The following TLCD5 variants were observed in gnomAD, a reference collection of about 807,000 sequenced individuals.
TLCD5 encodes the protein TLC domain-containing protein 5.
In TLCD5, 15 loss-of-function variants were observed where a neutral mutation model predicts 20.5. The observed-to-expected ratio is 0.73, with a 90% confidence interval of 0.49 to 1.13. The LOEUF (loss-of-function observed/expected upper bound fraction) is 1.13, where lower values mean the gene tolerates loss of function less well. Among genes scored for constraint, TLCD5 ranks in the 50% most tolerant of loss-of-function variants. The pLI, the probability that TLCD5 is intolerant of heterozygous loss-of-function variation, is 0.00. For synonymous variants in TLCD5, 107 were observed against 114.7 expected (o/e 0.93, Z 0.43); for missense variants, 289 against 305.6 (o/e 0.95, Z 0.41).
At chr11:120,327,149 G>T (rs1942019046) in intron 1 of TLCD5, 1 of 562,058 alleles carries the variant, frequency 1.8e-6, no homozygotes, top group East Asian at 3.0e-5. Flanking sequence ...GGTTATTATT[G>T]ACATTTACTC....
intron 1 of TLCD5, 164 bp from the exon 2 acceptor site, chr11:120,327,277 A>G: frequency 8.2e-7 from 1 of 1,226,400 alleles, no homozygotes; most frequent in Admixed American, 2.2e-5. Context: ...AAATACAGCC[A>G]TACTTAAATA....
At position 120,330,034 on chromosome 11, in the gene TLCD5, T is replaced by A. The variant is rs1274721772; in HGVS notation, c.257T>A (p.Ile86Asn). 1 of 1,614,222 alleles carries A rather than the reference T, an allele frequency of 6.2e-7. No homozygotes were observed. The highest frequency in any genetic ancestry group is 1.1e-5 in the South Asian group (1 of 91,084). Residue 86 changes from isoleucine to asparagine, a missense_variant, in exon 3 of 3, where the codon ATC (isoleucine) becomes AAC (asparagine). Coordinates refer to ENST00000375095, the MANE Select transcript of TLCD5 (RefSeq NM_001198671.2). ...CTGTGTCTCACCTTGGGCTACTTCA[T>A]CTTCGACTTGGGCTGGTGCGTCTAC... Reference protein sequence around the residue: ...HVLCLTLGYFIFDLGWCVYFQ... With the variant: ...HVLCLTLGYFNFDLGWCVYFQ...
intron 2 of TLCD5, among the ~76,000 whole-genome samples, chr11:120,329,632 A>C (rs1256896941): frequency 6.6e-6 from 1 of 152,334 alleles, no homozygotes; most frequent in Non-Finnish European, 1.5e-5. Context: ...AGTAAAAAAA[A>C]AAAATAAAGT....
chr11:120,327,406 C>G (rs192464510), intron 1 of TLCD5, 35 bp from the exon 2 acceptor site: 4 of 1,614,050 alleles, frequency 2.5e-6, no homozygotes, highest in Non-Finnish European at 2.5e-6. Flanking sequence ...TAGGGTGCAT[C>G]CTTTGTTTTT....
rs1183291117 is a variant in TLCD5 at position 120,330,222 on chromosome 11, A to T, written c.445A>T (p.Thr149Ser). 6.4e-7 allele frequency: 1 copy of T among 1,555,668 alleles called. No homozygotes were observed. Among genetic ancestry groups the T allele is most frequent in the Non-Finnish European group, 8.7e-7 (1 of 1,150,354 alleles). The change falls in exon 3 of 3, where the codon ACA becomes TCA. Residue 149 changes from threonine to serine, a missense_variant. Thr to Ser is a moderately conservative substitution (Grantham distance 58). Coordinates refer to ENST00000375095, the MANE Select transcript of TLCD5 (RefSeq NM_001198671.2). ...LLQMRWFLRE[T>S]GHYHSFTGDV... Reference sequence around the variant, plus strand: ...ACAGATGCGCTGGTTTCTCCGGGAAACAGGGCACTATCACAGTTTCACTGG... The same window carrying T: ...ACAGATGCGCTGGTTTCTCCGGGAATCAGGGCACTATCACAGTTTCACTGG...
Position 120,330,069 on chromosome 11 carries a change from G to C in TLCD5, c.292G>C (p.Glu98Gln). Residue 98 changes from glutamate to glutamine, a missense_variant, in exon 3 of 3, where the codon GAG becomes CAG. Glu to Gln is a conservative substitution (Grantham distance 29). Coordinates refer to ENST00000375095, the MANE Select transcript of TLCD5 (RefSeq NM_001198671.2). ...DLGWCVYFQSEGALMLAHHTL... is the reference protein window; with the variant it reads ...DLGWCVYFQSQGALMLAHHTL... The stretch of plus-strand genomic sequence containing the variant: ...GGGCTGGTGCGTCTACTTTCAGTCT[G>C]AGGGTGCCTTGATGCTGGCTCATCA... 1 of 1,614,194 alleles carries C rather than the reference G, an allele frequency of 6.2e-7. No homozygotes were observed. The highest frequency in any genetic ancestry group is 8.5e-7 in the Non-Finnish European group (1 of 1,180,044).
At position 120,330,410 on chromosome 11, in the gene TLCD5, C is replaced by T; in HGVS notation, c.633C>T (p.Ile211=). The T allele has an allele frequency of 1.2e-6, 2 of 1,614,154 alleles. No individual in the cohort carries two copies. The highest frequency in any genetic ancestry group is 1.7e-6 in the Non-Finnish European group (2 of 1,180,042). The part of the protein sequence containing the change: ...YAVSWCFMFS[I]WRFAWRKSIK... ...TGTCTTGGTGTTTCATGTTTAGCAT[C>T]TGGCGCTTTGCATGGAGGAAGAGCA... is the stretch of plus-strand genomic sequence containing the variant. The change falls in exon 3 of 3, where the codon ATC becomes ATT. Residue 211 remains isoleucine (I), a synonymous_variant. Transcript: ENST00000375095.
intron 2 of TLCD5, among the ~76,000 whole-genome samples, chr11:120,329,027 TTGTATA>T (rs1942087361): frequency 8.8e-6 from 1 of 113,612 alleles, no homozygotes; most frequent in African/African-American, 3.6e-5. Flanking sequence ...GTGTATGTGT[TTGTATA>T]TGTATGCGTA....
In TLCD5 at chr11:120,330,090, C is replaced by A; in HGVS notation, c.313C>A (p.His105Asn). 4 of 1,614,170 alleles carry A rather than the reference C, an allele frequency of 2.5e-6. No individual in the cohort carries two copies. Among genetic ancestry groups the A allele is most frequent in the Non-Finnish European group, 3.4e-6 (4 of 1,180,028 alleles). The change falls in exon 3 of 3, where the codon CAT becomes AAT. Residue 105 changes from histidine (H) to asparagine (N), a missense_variant. His to Asn is a moderately conservative substitution (Grantham distance 68). Coordinates refer to ENST00000375095, the MANE Select transcript of TLCD5 (RefSeq NM_001198671.2). ...GTCTGAGGGTGCCTTGATGCTGGCT[C>A]ATCACACATTGAGTATCTTGGGCAT... ...FQSEGALMLA[H>N]HTLSILGIIM... is the part of the protein sequence containing the mutation.
chr11:120,326,060 A>G (rs1182016071), intron 1 of TLCD5, among the ~76,000 whole-genome samples: 1 of 152,018 alleles, frequency 6.6e-6, no homozygotes, highest in African/African-American at 2.4e-5. Flanking sequence ...TCTGGCCCTT[A>G]CTCTGAGAAT....
rs562907210 is a variant in TLCD5 at position 120,327,576 on chromosome 11, CCT to C, written c.140_141del (p.Ser47TyrfsTer11). 5.1e-5 allele frequency: 82 copies of C among 1,614,046 alleles called. No individual in the cohort carries two copies. The highest frequency in any genetic ancestry group is 6.7e-5 in the Non-Finnish European group (79 of 1,180,038). On this transcript the variant is annotated frameshift_variant, in exon 2 of 3. Transcript: ENST00000375095. LOFTEE classifies it high-confidence loss of function. ...CRLVTFTHGV[L>X]SIGLSAYIGF... ...GCCTGGTCACCTTCACCCATGGAGT[CCT>C]CTCTATAGGCCTCTCCGCTTATATT...
chr11:120,327,479 T>A lies in TLCD5; in HGVS notation c.38T>A (p.Leu13Gln), dbSNP rs1474606460. 1 of 1,614,238 alleles carries A rather than the reference T, an allele frequency of 6.2e-7. No homozygotes were observed. ...LALCLQVLCSLCGWLSLYISF... is the reference protein window; with the variant it reads ...LALCLQVLCSQCGWLSLYISF... ...CTGTGTCTGCAGGTGCTGTGCAGCC[T>A]GTGTGGCTGGCTCTCGCTCTATATT... The change falls in exon 2 of 3, where the codon CTG (leucine) becomes CAG (glutamine). Residue 13 changes from leucine (L) to glutamine (Q), a missense_variant. By Grantham distance (113) the Leu-to-Gln change is moderately radical (BLOSUM62 -2). Transcript: ENST00000375095.
chr11:120,329,023 G>A (rs1449293580), intron 2 of TLCD5, among the ~76,000 whole-genome samples: 1 of 148,592 alleles, frequency 6.7e-6, no homozygotes, highest in Non-Finnish European at 1.5e-5. Flanking sequence ...GTGTGTGTAT[G>A]TGTTTGTATA....
chr11:120,327,541 T>C lies in TLCD5; in HGVS notation c.100T>C (p.Trp34Arg), dbSNP rs776982647. 6 of 1,614,024 alleles carry C rather than the reference T, an allele frequency of 3.7e-6. No homozygotes were observed. The highest frequency in any genetic ancestry group is 5.1e-6 in the Non-Finnish European group (6 of 1,180,032). The change falls in exon 2 of 3, where the codon TGG becomes CGG. Residue 34 changes from tryptophan (W) to arginine (R), a missense_variant. Trp to Arg is a moderately radical substitution (Grantham distance 101). Transcript: ENST00000375095. ...CCTGAATAAGCACCGAAGCTATGAG[T>C]GGAGCTGCCGCCTGGTCACCTTCAC... ...CHLNKHRSYEWSCRLVTFTHG... is the reference protein window; with the variant it reads ...CHLNKHRSYERSCRLVTFTHG...
At position 120,327,510 on chromosome 11, in the gene TLCD5, C is replaced by T; in HGVS notation, c.69C>T (p.Phe23=). The change falls in exon 2 of 3, where the codon TTC becomes TTT. Residue 23 remains phenylalanine, a synonymous_variant. Transcript: ENST00000375095. ...LCGWLSLYIS[F]CHLNKHRSYE... ...GCTGGCTCTCGCTCTATATTTCTTT[C>T]TGCCACCTGAATAAGCACCGAAGCT... is the stretch of plus-strand genomic sequence containing the variant. 1 of 1,614,208 alleles carries T rather than the reference C, an allele frequency of 6.2e-7. No homozygotes were observed.
rs1467260534 is a variant in TLCD5, at chr11:120,327,501, T to C, written c.60T>C (p.Tyr20=). 1 of 1,614,120 alleles carries C rather than the reference T, an allele frequency of 6.2e-7. No homozygotes were observed. Among genetic ancestry groups the C allele is most frequent in the Non-Finnish European group, 8.5e-7 (1 of 1,180,048 alleles). Residue 20 remains tyrosine, a synonymous_variant, in exon 2 of 3, where the codon TAT becomes TAC. Transcript: ENST00000375095. ...LCSLCGWLSL[Y]ISFCHLNKHR... ...GCCTGTGTGGCTGGCTCTCGCTCTA[T>C]ATTTCTTTCTGCCACCTGAATAAGC...
Position 120,330,127 on chromosome 11 carries a change from T to C in TLCD5, c.350T>C (p.Leu117Pro). The part of the protein sequence containing the change: ...TLSILGIIMA[L>P]VLGESGTEVN... ...AGTATCTTGGGCATTATCATGGCCC[T>C]TGTGCTTGGGGAGTCTGGCACAGAG... Residue 117 changes from leucine (L) to proline (P), a missense_variant, in exon 3 of 3, where the codon CTT (leucine) becomes CCT (proline). By Grantham distance (98) the Leu-to-Pro change is moderately conservative. Coordinates refer to ENST00000375095, the MANE Select transcript of TLCD5 (RefSeq NM_001198671.2). 6.2e-7 allele frequency: 1 copy of C among 1,613,570 alleles called. No homozygotes were observed. The highest frequency in any genetic ancestry group is 8.5e-7 in the Non-Finnish European group (1 of 1,179,700).
Position 120,330,584 on chromosome 11 carries a change from T to G in TLCD5, c.*69T>G. Reference sequence around the variant, plus strand: ...GGAACCAGGTTGGAAATATGACTGTTACATAATTACACTTATAACAAACTT... The same window carrying G: ...GGAACCAGGTTGGAAATATGACTGTGACATAATTACACTTATAACAAACTT... On this transcript the variant is annotated 3_prime_UTR_variant, in exon 3 of 3. Coordinates refer to ENST00000375095, the MANE Select transcript of TLCD5 (RefSeq NM_001198671.2). 3 of 1,490,172 alleles carry G rather than the reference T, an allele frequency of 2.0e-6. No homozygotes were observed. Among genetic ancestry groups the G allele is most frequent in the Non-Finnish European group, 2.7e-6 (3 of 1,112,508 alleles). 92.3% of individuals were successfully genotyped at this position (1,490,172 alleles called of 1,614,324 possible).
Position 120,330,701 on chromosome 11 carries a change from C to A in TLCD5, c.*186C>A. On this transcript the variant is annotated 3_prime_UTR_variant, in exon 3 of 3. Coordinates refer to ENST00000375095, the MANE Select transcript of TLCD5 (RefSeq NM_001198671.2). ...ATTAAAACACTAACTTCTACAGTAGCACAGTTGTAGAAAGTGAGAATACTC... is the reference window on the plus strand; with the variant it reads ...ATTAAAACACTAACTTCTACAGTAGAACAGTTGTAGAAAGTGAGAATACTC... The A allele has an allele frequency of 1.6e-6, 1 of 614,392 alleles. No individual in the cohort carries two copies. Among genetic ancestry groups the A allele is most frequent in the Non-Finnish European group, 2.7e-6 (1 of 366,032 alleles). The allele number at this position is 614,392 out of a possible 1,614,324, so 38.1% of individuals were successfully genotyped here.
Sources: allele counts gnomAD v4.1 joint callset (sites outside exome capture counted in the v4.1 genomes callset), GRCh38; gene constraint gnomAD v4.1.1; transcripts MANE v1.5; gene names NCBI Gene and HGNC (gene_info 2026-07-23, HGNC 2026-07-21).